Variants in RPS6KC1 observed in about 807,000 individuals in gnomAD.
RPS6KC1 encodes the protein inactive ribosomal protein S6 kinase delta-1.
Under a neutral mutation model 103.8 loss-of-function variants are expected in RPS6KC1, and 54 were observed. The ratio of observed to expected loss-of-function variants is 0.52; its 90% CI spans 0.42 to 0.65. The LOEUF (loss-of-function observed/expected upper bound fraction) is 0.65, where lower values mean the gene tolerates loss of function less well. Ranked by LOEUF, RPS6KC1 falls within the 30% of genes least tolerant of loss-of-function variation. The pLI is 0.00. For synonymous variants in RPS6KC1, 439 were observed against 438.7 expected (o/e 1.00, Z -0.01); for missense variants, 1,151 against 1,253.8 (o/e 0.92, Z 1.24).
intron 8 of RPS6KC1, among the ~76,000 whole-genome samples, chr1:213,208,807 C>T (rs1259613464): frequency 1.3e-5 from 2 of 151,540 alleles, no homozygotes; most frequent in Non-Finnish European, 2.9e-5. Context: ...GAGGTTGAAC[C>T]TTTAGTCTTC....
intron 1 of RPS6KC1, among the ~76,000 whole-genome samples, chr1:213,058,643 C>T (rs1295539032): frequency 6.6e-6 from 1 of 152,100 alleles, no homozygotes; most frequent in Admixed American, 6.6e-5. Flanking sequence ...CCATACCATA[C>T]AATCTTGATT....
At chr1:213,555,562 A>G in the RPS6KC1 span, among the ~76,000 whole-genome samples, 2 of 152,116 alleles carry the variant, frequency 1.3e-5, no homozygotes, top group African/African-American at 2.4e-5. Flanking sequence ...TGATCCTCCC[A>G]TCTCTGCCTT....
At chr1:213,843,083 A>T in the RPS6KC1 span, among the ~76,000 whole-genome samples, 1 of 152,276 alleles carries the variant, frequency 6.6e-6, no homozygotes, top group African/African-American at 2.4e-5. Context: ...ACAGGCTGAA[A>T]ACTTAGGCAG....
intron 6 of RPS6KC1, among the ~76,000 whole-genome samples, chr1:213,134,023 T>A (rs6692056): frequency 2.0e-5 from 3 of 151,872 alleles, no homozygotes; most frequent in Admixed American, 6.6e-5. Context: ...CTAGTTGATC[T>A]TTCAACAAGC....
rs527441850 is a variant in RPS6KC1 at position 213,152,028 on chromosome 1, G to T, written c.836-15830G>T. Among the ~76,000 whole-genome samples, 657 of 137,052 alleles carry T rather than the reference G, an allele frequency of 4.8e-3. 13 individuals are homozygous for T. The highest frequency in any genetic ancestry group is 0.015 in the African/African-American group (534 of 34,988). 89.9% of individuals were successfully genotyped at this position (137,052 alleles called of 152,430 possible). On this transcript the variant is annotated intron_variant, in intron 6 of 14. Transcript: ENST00000366960. Reference sequence around the variant, plus strand: ...CGGGCAGAGGCGCCCCTCACCTCCCGGACGGGGCAGCTGGCCGGGCGGGGG... The same window carrying T: ...CGGGCAGAGGCGCCCCTCACCTCCCTGACGGGGCAGCTGGCCGGGCGGGGG...
At chr1:213,610,962 T>C in the RPS6KC1 span, among the ~76,000 whole-genome samples, 1 of 152,174 alleles carries the variant, frequency 6.6e-6, no homozygotes, top group Non-Finnish European at 1.5e-5. Flanking sequence ...ACATTTCCTA[T>C]TTCTGATAAT....
chr1:213,569,487 C>T, the RPS6KC1 span, among the ~76,000 whole-genome samples: 16 of 152,166 alleles, frequency 1.1e-4, no homozygotes, highest in African/African-American at 3.6e-4. Context: ...ACAGCTGCAT[C>T]CAGAACAGAA....
chr1:213,862,030 A>G, the RPS6KC1 span, among the ~76,000 whole-genome samples: 1 of 152,146 alleles, frequency 6.6e-6, no homozygotes, highest in East Asian at 1.9e-4. Context: ...CTGCGGCTAG[A>G]AAGCGGGGGG....
chr1:213,086,347 C>A (rs752812538), intron 3 of RPS6KC1, among the ~76,000 whole-genome samples: 2 of 152,218 alleles, frequency 1.3e-5, no homozygotes, highest in Non-Finnish European at 2.9e-5. Context: ...CACAACAGAG[C>A]TTCCTGCTTG....
chr1:213,710,808 G>T, the RPS6KC1 span, among the ~76,000 whole-genome samples: 1 of 152,158 alleles, frequency 6.6e-6, no homozygotes. Context: ...ATTCTGGGTT[G>T]AAAATTATTT....
At chr1:213,572,572 A>G in the RPS6KC1 span, among the ~76,000 whole-genome samples, 1 of 152,272 alleles carries the variant, frequency 6.6e-6, no homozygotes. Context: ...CAGGTTATCT[A>G]AAGTGAATAT....
chr1:213,211,128 A>G (rs1193735249), intron 8 of RPS6KC1, among the ~76,000 whole-genome samples: 13 of 152,258 alleles, frequency 8.5e-5, no homozygotes, highest in Admixed American at 7.2e-4. Context: ...GCTAAATACA[A>G]TAGACTATAC....
intron 8 of RPS6KC1, among the ~76,000 whole-genome samples, chr1:213,226,248 A>G (rs1339968216): frequency 6.6e-6 from 1 of 151,530 alleles, no homozygotes; most frequent in Non-Finnish European, 1.5e-5. Flanking sequence ...GTCACACCTC[A>G]TGTAAAAACA....
At chr1:213,285,207 A>G in the RPS6KC1 span, among the ~76,000 whole-genome samples, 3 of 152,158 alleles carry the variant, frequency 2.0e-5, no homozygotes, top group Non-Finnish European at 4.4e-5. Context: ...GTGTCCTCAC[A>G]CAGGGGAGAG....
chr1:213,234,200 T>C (rs771164849), intron 10 of RPS6KC1, among the ~76,000 whole-genome samples: 3 of 151,988 alleles, frequency 2.0e-5, no homozygotes, highest in Non-Finnish European at 4.4e-5. Flanking sequence ...TTGTAGAGAT[T>C]GGGTCTCTCT....
chr1:213,596,222 G>T, the RPS6KC1 span, among the ~76,000 whole-genome samples: 6 of 152,324 alleles, frequency 3.9e-5, no homozygotes, highest in East Asian at 5.8e-4. Context: ...TAGGGATAAA[G>T]AATTTTCTGT....
the RPS6KC1 span, among the ~76,000 whole-genome samples, chr1:213,829,981 CTT>C: frequency 6.6e-6 from 1 of 152,194 alleles, no homozygotes; most frequent in South Asian, 2.1e-4. Flanking sequence ...TCTGCCGAGA[CTT>C]TGCATACATT....
At chr1:213,484,139 C>T in the RPS6KC1 span, among the ~76,000 whole-genome samples, 1 of 95,522 alleles carries the variant, frequency 1.0e-5, no homozygotes, top group South Asian at 3.1e-4. Flanking sequence ...GGAAGACAAC[C>T]CATGATATAA....
At chr1:213,493,171 C>T in the RPS6KC1 span, among the ~76,000 whole-genome samples, 1 of 152,146 alleles carries the variant, frequency 6.6e-6, no homozygotes, top group South Asian at 2.1e-4. Context: ...TAAGTAGCTT[C>T]AGAAATGAAA....
Sources: gnomAD v4.1 joint callset for allele counts (sites outside exome capture counted in the v4.1 genomes callset) on GRCh38, gnomAD v4.1.1 for gene constraint, MANE v1.5 for transcripts, NCBI Gene and HGNC (gene_info 2026-07-23, HGNC 2026-07-21) for gene names.